NOD1: variants seen among roughly 807,000 people sequenced by gnomAD.
NOD1 encodes the protein nucleotide binding oligomerization domain containing 1, also known as nucleotide-binding oligomerization domain-containing protein 1.
A neutral mutation model predicts 81.2 loss-of-function variants in NOD1; 70 were observed. That is an observed-to-expected ratio of 0.86 (90% CI 0.71 to 1.05). The LOEUF (loss-of-function observed/expected upper bound fraction) is 1.05, where lower values mean the gene tolerates loss of function less well. Ranked by LOEUF, NOD1 falls within the 50% of genes least tolerant of loss-of-function variation. The pLI is 0.00. For missense variants in NOD1, 1,233 were observed against 1,228.0 expected, an observed-to-expected ratio of 1.00 and a Z score of -0.06; for synonymous variants, 508 against 526.9, an observed-to-expected ratio of 0.96 and a Z score of 0.49.
intron 5 of NOD1, 105 bp from the exon 6 acceptor site, chr7:30,453,145 T>G: frequency 7.7e-7 from 1 of 1,298,726 alleles, no homozygotes; most frequent in Non-Finnish European, 1.1e-6. Flanking sequence ...ATAAACAAAA[T>G]TCACAACCTG....
rs780515658 is a variant in NOD1 at position 30,478,110 on chromosome 7, G to A, written c.-352+496C>T. Among the ~76,000 whole-genome samples, 2 of 152,142 alleles carry A rather than the reference G, an allele frequency of 1.3e-5. No individual in the cohort carries two copies. The highest frequency in any genetic ancestry group is 2.9e-5 in the Non-Finnish European group (2 of 68,024). On this transcript the variant is annotated intron_variant, in intron 1 of 13. Transcript: ENST00000222823. This position sits in a 1 kb window ranked among gnomAD's most constrained non-coding sequence, Gnocchi z 4.1. ...AAGGGAAGTTCTCACCCTCTCTCCA[G>A]GACCAAGCAGGACACTGGGAGCTGC...
intron 11 of NOD1, chr7:30,433,394 C>A: frequency 1.8e-6 from 1 of 550,932 alleles, no homozygotes; most frequent in Non-Finnish European, 3.2e-6. Flanking sequence ...ACCTGGGCTC[C>A]TATTTCTTAG....
intron 1 of NOD1, among the ~76,000 whole-genome samples, chr7:30,461,051 T>C (rs1020557738): frequency 6.6e-6 from 1 of 152,250 alleles, no homozygotes; most frequent in African/African-American, 2.4e-5. Flanking sequence ...GCTTTCCTAG[T>C]AATTTAAAAC....
chr7:30,478,734 G>C lies in NOD1; in HGVS notation c.-480C>G, dbSNP rs1789057916. 6.6e-6 allele frequency: 1 copy of C among 152,330 alleles called. No individual in the cohort carries two copies. Among genetic ancestry groups the C allele is most frequent in the Non-Finnish European group, 1.5e-5 (1 of 68,098 alleles). 9.4% of individuals were successfully genotyped at this position (152,330 alleles called of 1,614,324 possible). On this transcript the variant is annotated 5_prime_UTR_variant, in exon 1 of 14. Transcript: ENST00000222823. This position sits in a 1 kb window ranked among gnomAD's most constrained non-coding sequence, Gnocchi z 4.1. ...GAGGACGCTGCTCCCGCAGTAGCGC[G>C]AGGGAGGGGCAGGACCGGGGCGGCT...
intron 13 of NOD1, 47 bp downstream of exon 13, chr7:30,429,327 G>A: frequency 1.3e-6 from 2 of 1,498,854 alleles, no homozygotes; most frequent in Non-Finnish European, 1.9e-6. Context: ...GTGGTGGTGA[G>A]TAAACAGTCA....
intron 10 of NOD1, among the ~76,000 whole-genome samples, chr7:30,437,276 A>G (rs1784460192): frequency 6.6e-6 from 1 of 152,224 alleles, no homozygotes; most frequent in South Asian, 2.1e-4. Flanking sequence ...TAATGCATGC[A>G]GGGCTTAAAA....
chr7:30,456,946 T>C lies in NOD1; in HGVS notation c.-25A>G. ...TAGTTAAAGTAGCAAGCGGCTACTT[T>C]TCCCAAATTCATCTTCAGCTGCGTG... is the stretch of plus-strand genomic sequence containing the variant. On this transcript the variant is annotated 5_prime_UTR_variant, in exon 4 of 14. Coordinates refer to ENST00000222823, the MANE Select transcript of NOD1 (RefSeq NM_006092.4). 6.2e-7 allele frequency: 1 copy of C among 1,605,424 alleles called. No individual in the cohort carries two copies. The highest frequency in any genetic ancestry group is 8.5e-7 in the Non-Finnish European group (1 of 1,172,140).
chr7:30,464,451 GC>G (rs1158065783), intron 1 of NOD1, among the ~76,000 whole-genome samples: 1 of 152,224 alleles, frequency 6.6e-6, no homozygotes, highest in African/African-American at 2.4e-5. Context: ...ACGTGCAAGG[GC>G]CCCAGCAGGG....
chr7:30,460,107 C>A (rs1483442280), intron 1 of NOD1, 66 bp from the exon 2 acceptor site: 2 of 360,536 alleles, frequency 5.5e-6, no homozygotes, highest in Non-Finnish European at 7.7e-6. Context: ...TGTCCAGAGC[C>A]CTGGCTGAAG....
intron 3 of NOD1, among the ~76,000 whole-genome samples, chr7:30,458,882 G>A (rs1292547911): frequency 2.0e-5 from 3 of 152,006 alleles, no homozygotes; most frequent in Middle Eastern, 3.4e-3. Flanking sequence ...AACTACAGGC[G>A]GGTGCCACCA....
chr7:30,469,683 C>T (rs1265622699), intron 1 of NOD1, among the ~76,000 whole-genome samples: 1 of 152,190 alleles, frequency 6.6e-6, no homozygotes, highest in Middle Eastern at 3.2e-3. Flanking sequence ...GCCAGCTCCT[C>T]CCTTCTCTGC....
At position 30,437,608 on chromosome 7, in the gene NOD1, C is replaced by G. The variant is rs768265550; in HGVS notation, c.2502G>C (p.Glu834Asp). The G allele has an allele frequency of 1.3e-6, 2 of 1,511,008 alleles. No homozygotes were observed. The highest frequency in any genetic ancestry group is 1.5e-5 in the African/African-American group (1 of 67,864). The allele number at this position is 1,511,008 out of a possible 1,614,324, so 93.6% of individuals were successfully genotyped here. A position where few individuals can be genotyped will look rare whatever the true frequency, so the allele number is the denominator to read the frequency against. ...TCAAGCTGGGGTGGTTCCGCAGAGCCTCTGCGAAGGCTTTTGCTCCTTCAT... is the reference window on the plus strand; with the variant it reads ...TCAAGCTGGGGTGGTTCCGCAGAGCGTCTGCGAAGGCTTTTGCTCCTTCAT... ...VGDEGAKAFA[E>D]ALRNHPSLTT... The change falls in exon 10 of 14, where the codon GAG becomes GAC. Residue 834 changes from glutamate (E) to aspartate (D), a missense_variant. Physicochemically the swap from Glu to Asp is conservative, Grantham distance 45. Transcript: ENST00000222823.
chr7:30,448,440 T>C (rs1488989832), intron 6 of NOD1, 59 bp from the exon 7 acceptor site: 1 of 1,381,932 alleles, frequency 7.2e-7, no homozygotes, highest in East Asian at 2.3e-5. Context: ...TGAAGGACCA[T>C]TAATCTTACA....
At chr7:30,426,559 A>G (rs1046591999) in intron 13 of NOD1, among the ~76,000 whole-genome samples, 1 of 152,066 alleles carries the variant, frequency 6.6e-6, no homozygotes, top group African/African-American at 2.4e-5. Context: ...TCAGTTTCCT[A>G]GAAGAGCCAA....
chr7:30,453,681 A>C (rs1786040036), intron 5 of NOD1, among the ~76,000 whole-genome samples: 1 of 152,098 alleles, frequency 6.6e-6, no homozygotes, highest in Non-Finnish European at 1.5e-5. Context: ...CGGCCTCCCA[A>C]AGTGTTAGGG....
chr7:30,449,935 G>A (rs542875327), intron 6 of NOD1, among the ~76,000 whole-genome samples: 80 of 152,334 alleles, frequency 5.3e-4, no homozygotes, highest in African/African-American at 1.9e-3. Flanking sequence ...GCTCATGCCT[G>A]TAACCCCAAC....
intron 10 of NOD1, among the ~76,000 whole-genome samples, chr7:30,436,952 T>C (rs1405103882): frequency 2.6e-5 from 4 of 152,236 alleles, no homozygotes; most frequent in Admixed American, 6.5e-5. Flanking sequence ...CTATTTACAA[T>C]AGCAAAGACT....
Position 30,455,276 on chromosome 7 carries a change from G to A in NOD1, c.237C>T (p.Gly79=), listed in dbSNP as rs201912703. The A allele has an allele frequency of 2.0e-3, 3,181 of 1,614,086 alleles. 72 individuals carry two copies. The South Asian group carries it at 0.033, about 17-fold the overall frequency. ...RKILDLVQSK[G]EEVSEFFLYL... The stretch of plus-strand genomic sequence containing the variant: ...AGAGGAAGAACTCGGACACCTCCTC[G>A]CCCTTGCTCTGTACCAGGTCCAGAA... The change falls in exon 5 of 14, where the codon GGC becomes GGT. Residue 79 remains glycine (G), a synonymous_variant. Coordinates refer to ENST00000222823, the MANE Select transcript of NOD1 (RefSeq NM_006092.4).
At chr7:30,450,782 G>A (rs1303822198) in intron 6 of NOD1, among the ~76,000 whole-genome samples, 1 of 152,174 alleles carries the variant, frequency 6.6e-6, no homozygotes, top group African/African-American at 2.4e-5. Context: ...GTGACCTAAA[G>A]CAAGCTATTA....
Sources: gnomAD v4.1 joint callset for allele counts (sites outside exome capture counted in the v4.1 genomes callset) on GRCh38, gnomAD v4.1.1 for gene constraint, Gnocchi (gnomAD v3.1) non-coding constraint, MANE v1.5 for transcripts, NCBI Gene and HGNC (gene_info 2026-07-23, HGNC 2026-07-21) for gene names.